Variants in NTN1 observed in about 807,000 individuals in gnomAD.
The protein encoded by NTN1 is netrin 1.
A neutral mutation model predicts 54.2 loss-of-function variants in NTN1; 11 were observed. That is an observed-to-expected ratio of 0.20 (90% CI 0.13 to 0.34). The LOEUF (loss-of-function observed/expected upper bound fraction) is 0.34, where lower values mean the gene tolerates loss of function less well. Among genes scored for constraint, NTN1 ranks in the 10% least tolerant of loss-of-function variants. NTN1 has a pLI of 1.00. For missense variants in NTN1, 740 were observed against 893.1 expected, an observed-to-expected ratio of 0.83 and a Z score of 2.18; for synonymous variants, 371 against 382.0, an observed-to-expected ratio of 0.97 and a Z score of 0.33.
At chr17:9,085,093 G>A (rs747883643) in intron 2 of NTN1, among the ~76,000 whole-genome samples, 1 of 152,218 alleles carries the variant, frequency 6.6e-6, no homozygotes, top group Non-Finnish European at 1.5e-5. Flanking sequence ...CTCCTGGTTA[G>A]CTGTAGGCTC....
intron 2 of NTN1, among the ~76,000 whole-genome samples, chr17:9,050,459 C>G (rs1253212599): frequency 6.6e-6 from 1 of 151,324 alleles, no homozygotes; most frequent in African/African-American, 2.4e-5. Context: ...CACTTGAGGC[C>G]AGGAGTTTGA....
At chr17:9,099,122 G>A (rs1486033294) in intron 2 of NTN1, among the ~76,000 whole-genome samples, 2 of 152,196 alleles carry the variant, frequency 1.3e-5, no homozygotes, top group Non-Finnish European at 2.9e-5. Flanking sequence ...TAGTCTCATT[G>A]GCCGGGCGCA....
At chr17:9,012,064 G>A in the NTN1 span, among the ~76,000 whole-genome samples, 3 of 152,180 alleles carry the variant, frequency 2.0e-5, no homozygotes, top group Admixed American at 6.5e-5. Context: ...ATGAAAATCA[G>A]AGCTATGTGG....
intron 5 of NTN1, among the ~76,000 whole-genome samples, chr17:9,218,915 G>T (rs1430273583): frequency 7.1e-6 from 1 of 141,148 alleles, no homozygotes; most frequent in Admixed American, 7.1e-5. Context: ...TGGCTTTTGT[G>T]AAAAAAAAAA....
At chr17:9,094,619 G>C (rs964801373) in intron 2 of NTN1, among the ~76,000 whole-genome samples, 4 of 152,094 alleles carry the variant, frequency 2.6e-5, no homozygotes, top group African/African-American at 4.8e-5. Context: ...CAGCATCAAA[G>C]AGTGGCAGTT....
chr17:9,222,791 A>G (rs2142358286), intron 6 of NTN1, among the ~76,000 whole-genome samples: 1 of 152,302 alleles, frequency 6.6e-6, no homozygotes, highest in Non-Finnish European at 1.5e-5. Flanking sequence ...TAATAAGGAC[A>G]GTGGTCAGGA....
chr17:9,143,743 C>T (rs2092304969), intron 2 of NTN1, among the ~76,000 whole-genome samples: 1 of 152,176 alleles, frequency 6.6e-6, no homozygotes, highest in African/African-American at 2.4e-5. Flanking sequence ...CATGTCACGC[C>T]AATGCTGGAA....
In NTN1 at chr17:9,189,807, C is replaced by T. The variant is rs186869594; in HGVS notation, c.1411+6838C>T. On this transcript the variant is annotated intron_variant, in intron 5 of 6. Coordinates refer to ENST00000173229, the MANE Select transcript of NTN1 (RefSeq NM_004822.3). ...GCCAGTCAAAAGCCACTGCCTTTTA[C>T]AGGTGCCAGTTAAAGGGGTTCTGGT... Among the ~76,000 whole-genome samples the T allele has an allele frequency of 5.2e-3, 793 of 152,318 alleles. 21 individuals carry two copies. In the South Asian group the frequency reaches 0.084, roughly 16 times the overall value.
In NTN1 at chr17:9,185,236, G is replaced by A. The variant is rs180998519; in HGVS notation, c.1411+2267G>A. On this transcript the variant is annotated intron_variant, in intron 5 of 6. Transcript: ENST00000173229. ...CTGGACCGTGGGGCCTCCTACCACA[G>A]GGAGGCTGGGTATGCCTTGTCTCAG... Among the ~76,000 whole-genome samples, 755 of 152,264 alleles carry A rather than the reference G, an allele frequency of 5.0e-3. 6 individuals are homozygous for A. The highest frequency in any genetic ancestry group is 0.01 in the Middle Eastern group (3 of 294).
intron 5 of NTN1, among the ~76,000 whole-genome samples, chr17:9,187,147 A>C (rs1049654164): frequency 6.6e-6 from 1 of 152,112 alleles, no homozygotes; most frequent in Admixed American, 6.5e-5. Flanking sequence ...AAAAATACAA[A>C]TGCCATGGTA....
At chr17:9,170,187 A>C (rs1230557318) in intron 3 of NTN1, among the ~76,000 whole-genome samples, 2 of 152,192 alleles carry the variant, frequency 1.3e-5, no homozygotes, top group African/African-American at 4.8e-5. Flanking sequence ...CAGTAGCCTC[A>C]GCTTTCTTAT....
intron 3 of NTN1, chr17:9,175,893 GC>G (rs1431623287): frequency 1.3e-5 from 2 of 152,180 alleles, no homozygotes; most frequent in Admixed American, 6.5e-5. Context: ...GTTTCCCATG[GC>G]CAGGTGCTGC....
chr17:9,025,530 A>T (rs2091867309), intron 2 of NTN1, among the ~76,000 whole-genome samples: 1 of 152,264 alleles, frequency 6.6e-6, no homozygotes, highest in Admixed American at 6.5e-5. Flanking sequence ...CAGTAGTTAA[A>T]GTATCTTTAA....
intron 2 of NTN1, among the ~76,000 whole-genome samples, chr17:9,086,379 C>T (rs541814810): frequency 2.6e-5 from 4 of 152,140 alleles, no homozygotes; most frequent in African/African-American, 7.2e-5. Flanking sequence ...TGAGATCATT[C>T]GGTGGGTATT....
chr17:9,231,058 G>A (rs1000509806), intron 6 of NTN1, among the ~76,000 whole-genome samples: 3 of 152,116 alleles, frequency 2.0e-5, no homozygotes, highest in Non-Finnish European at 2.9e-5. Flanking sequence ...TGGCTCAGCC[G>A]TGCCCTGTGT....
chr17:9,019,966 G>T (rs554208876), upstream of NTN1, among the ~76,000 whole-genome samples: 8 of 152,310 alleles, frequency 5.3e-5, no homozygotes, highest in African/African-American at 1.4e-4. Context: ...TTGCTACCCC[G>T]GGGTAAGAAG....
chr17:9,150,660 C>A (rs892287805), intron 2 of NTN1, among the ~76,000 whole-genome samples: 2 of 152,190 alleles, frequency 1.3e-5, no homozygotes, highest in African/African-American at 2.4e-5. Flanking sequence ...GCAGCAGGAA[C>A]CCTGAGTGAT....
At chr17:9,126,238 A>G (rs963320888) in intron 2 of NTN1, among the ~76,000 whole-genome samples, 2 of 152,276 alleles carry the variant, frequency 1.3e-5, no homozygotes, top group South Asian at 2.1e-4. Context: ...GCTGGGCGTG[A>G]TGGCTCACGC....
chr17:9,138,657 C>T (rs774984898), intron 2 of NTN1, among the ~76,000 whole-genome samples: 8 of 152,090 alleles, frequency 5.3e-5, no homozygotes, highest in African/African-American at 1.4e-4. Context: ...CCGGGTACCG[C>T]GATGAGGCAG....
Sources: gnomAD v4.1 joint callset for allele counts (sites outside exome capture counted in the v4.1 genomes callset) on GRCh38, gnomAD v4.1.1 for gene constraint, MANE v1.5 for transcripts, NCBI Gene and HGNC (gene_info 2026-07-23, HGNC 2026-07-21) for gene names.